Variants in CABLES1 observed in about 807,000 individuals in gnomAD.
CABLES1 encodes CDK5 and ABL1 enzyme substrate 1.
Under a neutral mutation model 57.8 loss-of-function variants are expected in CABLES1, and 36 were observed. That is an observed-to-expected ratio of 0.62 (90% CI 0.48 to 0.82). The LOEUF (loss-of-function observed/expected upper bound fraction) is 0.82, where lower values mean the gene tolerates loss of function less well. Among genes scored for constraint, CABLES1 ranks in the 40% least tolerant of loss-of-function variants. The pLI, the probability that CABLES1 is intolerant of heterozygous loss-of-function variation, is 0.00. For missense variants in CABLES1, 767 were observed against 836.6 expected, an observed-to-expected ratio of 0.92 and a Z score of 1.03; for synonymous variants, 374 against 363.0, an observed-to-expected ratio of 1.03 and a Z score of -0.35.
At chr18:23,254,530 T>C (rs555653023) in intron 9 of CABLES1, among the ~76,000 whole-genome samples, 39 of 152,346 alleles carry the variant, frequency 2.6e-4, no homozygotes, top group Non-Finnish European at 5.1e-4. Flanking sequence ...TTTGTTACAG[T>C]TCCCAAGAGG....
At chr18:23,197,271 A>G (rs2047291111) in intron 3 of CABLES1, 1 of 152,232 alleles carries the variant, frequency 6.6e-6, no homozygotes. Flanking sequence ...TTGGGGCCTG[A>G]GACAGCTCCA....
chr18:23,176,252 A>T (rs1240177000), intron 1 of CABLES1, among the ~76,000 whole-genome samples: 3 of 152,166 alleles, frequency 2.0e-5, no homozygotes. Context: ...CTTCGGGATG[A>T]AACTGTTCCA....
At chr18:23,247,118 C>G (rs1021425042) in intron 7 of CABLES1, among the ~76,000 whole-genome samples, 1 of 152,232 alleles carries the variant, frequency 6.6e-6, no homozygotes, top group African/African-American at 2.4e-5. Context: ...TGCCGTGGCT[C>G]AATCTCCTAG....
chr18:23,235,986 G>C lies in CABLES1; in HGVS notation c.1277G>C (p.Arg426Pro), dbSNP rs757013390. Residue 426 changes from arginine (R) to proline (P), a missense_variant, in exon 6 of 10, where the codon CGT becomes CCT. Physicochemically the swap from Arg to Pro is moderately radical, Grantham distance 103 (BLOSUM62 -2). This residue lies in a region of CABLES1 where 529 missense variants were observed against 622.8 expected (regional missense o/e 0.85). Transcript: ENST00000256925. The part of the protein sequence containing the change: ...IDSTSSFSQF[R>P]NLSHRSLSIG... ...TCCACCTCCTCTTTCTCCCAGTTCC[G>C]TAACCTGAGCCACCGCAGCCTCTCC... The C allele has an allele frequency of 3.1e-6, 5 of 1,614,062 alleles. No individual in the cohort carries two copies. Among genetic ancestry groups the C allele is most frequent in the Non-Finnish European group, 4.2e-6 (5 of 1,180,054 alleles).
chr18:23,212,898 T>C (rs2047415037), intron 3 of CABLES1, among the ~76,000 whole-genome samples: 1 of 151,942 alleles, frequency 6.6e-6, no homozygotes, highest in Non-Finnish European at 1.5e-5. Context: ...GCAGAAGAAA[T>C]AGCATGCAAA....
upstream of CABLES1, among the ~76,000 whole-genome samples, chr18:23,134,937 C>G (rs972416558): frequency 2.0e-5 from 3 of 152,086 alleles, no homozygotes; most frequent in African/African-American, 7.2e-5. Flanking sequence ...GATAGCTTTA[C>G]GGTGGGACAG....
rs1334069114 is a variant in CABLES1, at chr18:23,259,892, C to T, written c.*2525C>T. The T allele has an allele frequency of 1.3e-5, 2 of 152,426 alleles. No individual in the cohort carries two copies. The highest frequency in any genetic ancestry group is 4.8e-5 in the African/African-American group (2 of 41,434). 9.4% of individuals were successfully genotyped at this position (152,426 alleles called of 1,614,324 possible). ...CCCTCTCAGGACTGCCCTGAGGCCT[C>T]TCCAGTCCTCCCCACACTCAGAGAT... On this transcript the variant is annotated 3_prime_UTR_variant, in exon 10 of 10. Coordinates refer to ENST00000256925, the MANE Select transcript of CABLES1 (RefSeq NM_001100619.3).
At position 23,152,440 on chromosome 18, in the gene CABLES1, A is replaced by G. The variant is rs535919809; in HGVS notation, c.845+15833A>G. On this transcript the variant is annotated intron_variant, in intron 1 of 9. Coordinates refer to ENST00000256925, the MANE Select transcript of CABLES1 (RefSeq NM_001100619.3). ...CCTTTTTCTCCCAAGGTGGAGAATG[A>G]TATTTATGGTTAGATACCATCTCAA... is the stretch of plus-strand genomic sequence containing the variant. 4.0e-5 allele frequency among the ~76,000 whole-genome samples: 6 copies of G among 150,806 alleles called. No individual in the cohort carries two copies. The South Asian group carries it at 1.3e-3, about 32-fold the overall frequency.
intron 1 of CABLES1, among the ~76,000 whole-genome samples, chr18:23,174,510 C>T (rs978130161): frequency 5.3e-5 from 8 of 150,894 alleles, no homozygotes; most frequent in African/African-American, 1.5e-4. Context: ...CTCGCTGTGT[C>T]GCCCAGGCTG....
At chr18:23,167,873 T>C (rs570040601) in intron 1 of CABLES1, among the ~76,000 whole-genome samples, 1 of 152,188 alleles carries the variant, frequency 6.6e-6, no homozygotes, top group Non-Finnish European at 1.5e-5. Flanking sequence ...TAGATTGGCA[T>C]GGAAGGAGAC....
chr18:23,251,724 A>G (rs765404813), intron 7 of CABLES1, among the ~76,000 whole-genome samples: 5 of 152,188 alleles, frequency 3.3e-5, no homozygotes, highest in Non-Finnish European at 7.3e-5. Context: ...CATTATATAC[A>G]TATGGTGGCA....
intron 1 of CABLES1, among the ~76,000 whole-genome samples, chr18:23,178,473 T>C (rs761227505): frequency 5.3e-5 from 8 of 152,176 alleles, no homozygotes; most frequent in Non-Finnish European, 8.8e-5. Context: ...ACCCTGGGCA[T>C]GTACCTTCAT....
intron 4 of CABLES1, among the ~76,000 whole-genome samples, chr18:23,224,696 G>A (rs1224610107): frequency 6.6e-6 from 1 of 150,568 alleles, no homozygotes; most frequent in Non-Finnish European, 1.5e-5. Context: ...AGCCTCCTGA[G>A]TAGCTGGGAT....
chr18:23,136,539 C>G lies in CABLES1; in HGVS notation c.777C>G (p.Asn259Lys). 6.3e-7 allele frequency: 1 copy of G among 1,576,170 alleles called. No homozygotes were observed. Among genetic ancestry groups the G allele is most frequent in the African/African-American group, 1.4e-5 (1 of 73,078 alleles). Residue 259 changes from asparagine (N) to lysine (K), a missense_variant, in exon 1 of 10, where the codon AAC becomes AAG. By Grantham distance (94) the Asn-to-Lys change is moderately conservative. This residue lies in a region of CABLES1 where 529 missense variants were observed against 622.8 expected (regional missense o/e 0.85). Coordinates refer to ENST00000256925, the MANE Select transcript of CABLES1 (RefSeq NM_001100619.3). ...PIAFSRPTSQ[N>K]YCSLEQPGQG... is the part of the protein sequence containing the mutation. The stretch of plus-strand genomic sequence containing the variant: ...CCTTCTCCAGGCCGACTTCGCAGAA[C>G]TACTGCTCCCTGGAGCAGCCAGGCC...
chr18:23,203,890 G>A (rs1366727424), intron 3 of CABLES1, among the ~76,000 whole-genome samples: 4 of 152,120 alleles, frequency 2.6e-5, no homozygotes. Context: ...TTGTTTTTGT[G>A]AAAAGGCTAG....
chr18:23,245,324 A>T (rs373399074), intron 7 of CABLES1, among the ~76,000 whole-genome samples: 1 of 152,146 alleles, frequency 6.6e-6, no homozygotes, highest in Non-Finnish European at 1.5e-5. Context: ...CCTAGCCAAC[A>T]TGGCGAAACC....
At chr18:23,229,483 A>T (rs117645043) in intron 4 of CABLES1, among the ~76,000 whole-genome samples, 1,526 of 152,350 alleles carry the variant, frequency 0.01, 11 homozygotes, top group Middle Eastern at 0.024. Flanking sequence ...TCTTTCAAAG[A>T]AAGTGAAAAC....
chr18:23,207,253 C>T (rs1194954815), intron 3 of CABLES1, among the ~76,000 whole-genome samples: 1 of 152,194 alleles, frequency 6.6e-6, no homozygotes, highest in African/African-American at 2.4e-5. Context: ...CCGAGTTTTG[C>T]GTGAGTCAGG....
chr18:23,164,391 C>T (rs1275118360), intron 1 of CABLES1, among the ~76,000 whole-genome samples: 5 of 152,150 alleles, frequency 3.3e-5, no homozygotes, highest in Admixed American at 6.5e-5. Flanking sequence ...CCCAGGGCCC[C>T]GCCATCAGCC....
Sources: allele counts gnomAD v4.1 joint callset (sites outside exome capture counted in the v4.1 genomes callset), GRCh38; gene constraint gnomAD v4.1.1; regional missense constraint gnomAD v4.1.1; transcripts MANE v1.5; gene names NCBI Gene and HGNC (gene_info 2026-07-23, HGNC 2026-07-21).